The following STPG2 variants were observed in gnomAD, a reference collection of about 807,000 sequenced individuals.
STPG2 encodes the protein sperm-tail PG-rich repeat-containing protein 2.
Under a neutral mutation model 54.2 loss-of-function variants are expected in STPG2, and 56 were observed. That is an observed-to-expected ratio of 1.03 (90% confidence interval 0.83 to 1.29). The LOEUF (loss-of-function observed/expected upper bound fraction) is 1.29. Among genes scored for constraint, STPG2 ranks in the 50% most tolerant of loss-of-function variants. STPG2 has a pLI of 0.00. For synonymous variants in STPG2, 200 were observed against 181.8 expected (o/e 1.10, Z -0.81); for missense variants, 596 against 544.9 (o/e 1.09, Z -0.93).
intron 9 of STPG2, among the ~76,000 whole-genome samples, chr4:97,784,811 T>A (rs1726773705): frequency 1.3e-5 from 2 of 152,074 alleles, no homozygotes; most frequent in Admixed American, 1.3e-4. Context: ...AATGAGTTAA[T>A]CTATGCATGA....
intron 4 of STPG2, among the ~76,000 whole-genome samples, chr4:97,454,197 T>C (rs917932810): frequency 1.3e-5 from 2 of 152,016 alleles, no homozygotes; most frequent in African/African-American, 2.4e-5. Flanking sequence ...GCATTTAGTG[T>C]ATAAGCTGGC....
intron 9 of STPG2, among the ~76,000 whole-genome samples, chr4:97,836,458 A>G (rs1728635789): frequency 6.6e-6 from 1 of 151,962 alleles, no homozygotes; most frequent in African/African-American, 2.4e-5. Flanking sequence ...AGACTATAGT[A>G]TAGTCTAAAC....
intron 9 of STPG2, among the ~76,000 whole-genome samples, chr4:97,821,657 A>G (rs111381054): frequency 0.02 from 3,101 of 152,274 alleles, 100 homozygotes; most frequent in African/African-American, 0.071. Flanking sequence ...CTGAAATCTA[A>G]GCACAGGCCG....
At chr4:97,793,229 C>T (rs1299350611) in intron 9 of STPG2, among the ~76,000 whole-genome samples, 1 of 151,918 alleles carries the variant, frequency 6.6e-6, no homozygotes, top group East Asian at 1.9e-4. Flanking sequence ...TCACATTTTT[C>T]TGCTTTATTT....
At chr4:97,917,800 G>A (rs1459306446) in intron 8 of STPG2, among the ~76,000 whole-genome samples, 1 of 151,958 alleles carries the variant, frequency 6.6e-6, no homozygotes, top group African/African-American at 2.4e-5. Context: ...TTTTAGACAA[G>A]ATAAAGGATT....
At chr4:97,908,816 G>A (rs1274729546) in intron 8 of STPG2, among the ~76,000 whole-genome samples, 1 of 144,968 alleles carries the variant, frequency 6.9e-6, no homozygotes, top group Admixed American at 7.0e-5. Flanking sequence ...ATTGAACAAT[G>A]AGAACACATG....
At chr4:97,692,265 G>C (rs1723391914) in intron 10 of STPG2, among the ~76,000 whole-genome samples, 1 of 133,974 alleles carries the variant, frequency 7.5e-6, no homozygotes, top group Non-Finnish European at 1.6e-5. Flanking sequence ...GTGAAGCCCA[G>C]CTTAAAGAAA....
chr4:97,765,273 G>A (rs905472232), intron 9 of STPG2, among the ~76,000 whole-genome samples: 2 of 152,090 alleles, frequency 1.3e-5, no homozygotes, highest in Non-Finnish European at 2.9e-5. Context: ...GTTCAATCCA[G>A]GAAACTCCAC....
chr4:97,481,983 T>C (rs1730232954), intron 4 of STPG2, among the ~76,000 whole-genome samples: 1 of 151,668 alleles, frequency 6.6e-6, no homozygotes, highest in Admixed American at 6.6e-5. Flanking sequence ...TCTTTTCGTA[T>C]AAATCATTTA....
intron 9 of STPG2, among the ~76,000 whole-genome samples, chr4:97,821,793 A>T (rs1267552330): frequency 6.6e-6 from 1 of 152,190 alleles, no homozygotes; most frequent in Non-Finnish European, 1.5e-5. Context: ...CTATGAGCTG[A>T]GGCTTGGTCT....
At chr4:97,543,643 A>T (rs1272318504) in intron 4 of STPG2, among the ~76,000 whole-genome samples, 1 of 152,134 alleles carries the variant, frequency 6.6e-6, no homozygotes, top group Non-Finnish European at 1.5e-5. Flanking sequence ...TCCTGCCTAG[A>T]TTTATGTGAT....
chr4:98,097,189 T>C (rs1167836533), intron 5 of STPG2, among the ~76,000 whole-genome samples: 2 of 151,932 alleles, frequency 1.3e-5, no homozygotes, highest in African/African-American at 4.8e-5. Context: ...CTATGCCTGA[T>C]GGTCAATATC....
At chr4:97,971,001 T>C (rs1212588890) in intron 7 of STPG2, among the ~76,000 whole-genome samples, 6 of 152,178 alleles carry the variant, frequency 3.9e-5, no homozygotes, top group Non-Finnish European at 8.8e-5. Context: ...GCAAAGGATG[T>C]GAACAGACAC....
At chr4:97,488,736 GA>G (rs2148825924) in intron 4 of STPG2, among the ~76,000 whole-genome samples, 1 of 151,726 alleles carries the variant, frequency 6.6e-6, no homozygotes, top group Admixed American at 6.6e-5. Context: ...TAATGTTTAA[GA>G]ATCAGGCCTG....
intron 8 of STPG2, among the ~76,000 whole-genome samples, chr4:97,901,241 T>C (rs1416488228): frequency 3.3e-5 from 5 of 151,908 alleles, no homozygotes; most frequent in East Asian, 1.9e-4. Flanking sequence ...TCATACTCAA[T>C]GGGGAAAAGT....
chr4:97,903,283 T>C (rs1731250185), intron 8 of STPG2, among the ~76,000 whole-genome samples: 1 of 152,128 alleles, frequency 6.6e-6, no homozygotes, highest in Non-Finnish European at 1.5e-5. Context: ...GTTGTGGCAA[T>C]TATTCTACAA....
At chr4:97,905,848 C>G (rs34318449) in intron 8 of STPG2, among the ~76,000 whole-genome samples, 1 of 151,798 alleles carries the variant, frequency 6.6e-6, no homozygotes. Flanking sequence ...ACCAGAATCT[C>G]TGGGACGCAT....
At chr4:97,505,578 C>G in intron 4 of STPG2, among the ~76,000 whole-genome samples, 1 of 151,960 alleles carries the variant, frequency 6.6e-6, no homozygotes. Context: ...ATTGTTTGGA[C>G]TGCTATGCAT....
intron 1 of STPG2, among the ~76,000 whole-genome samples, chr4:98,136,383 T>C (rs1431018961): frequency 1.3e-5 from 2 of 151,750 alleles, no homozygotes; most frequent in Non-Finnish European, 3.0e-5. Flanking sequence ...TTAGTTTAGC[T>C]TAACATGCTC....
Sources: allele counts gnomAD v4.1 joint callset (sites outside exome capture counted in the v4.1 genomes callset), GRCh38; gene constraint gnomAD v4.1.1; transcripts MANE v1.5; gene names NCBI Gene and HGNC (gene_info 2026-07-23, HGNC 2026-07-21).